The following ADAMTS5 variants were observed in gnomAD, a reference collection of about 807,000 sequenced individuals.
ADAMTS5 encodes the protein ADAM metallopeptidase with thrombospondin type 1 motif 5, also known as A disintegrin and metalloproteinase with thrombospondin motifs 5.
Under a neutral mutation model 81.4 loss-of-function variants are expected in ADAMTS5, and 54 were observed. The ratio of observed to expected loss-of-function variants is 0.66; its 90% CI spans 0.53 to 0.83. The LOEUF (loss-of-function observed/expected upper bound fraction) is 0.83, where lower values mean the gene tolerates loss of function less well. Ranked by LOEUF, ADAMTS5 falls within the 40% of genes least tolerant of loss-of-function variation. The probability of loss-of-function intolerance (pLI) is 0.00; values close to 1 mark genes in which losing one functional copy is unlikely to be tolerated. For synonymous variants in ADAMTS5, 532 were observed against 508.8 expected, an observed-to-expected ratio of 1.05 and a Z score of -0.61; for missense variants, 1,194 against 1,229.9, an observed-to-expected ratio of 0.97 and a Z score of 0.44.
In ADAMTS5 at chr21:26,929,948, G is replaced by A. The variant is rs201435455; in HGVS notation, c.2163C>T (p.Cys721=). ...TGGAGTTGTCTCCTCCACATACTCC[G>A]CACTTGTCATACTGCAGCTTTGAGC... ...IIGSKLQYDK[C]GVCGGDNSSC... The change falls in exon 7 of 8, where the codon TGC becomes TGT. Residue 721 remains cysteine (C), a synonymous_variant. Transcript: ENST00000284987. 2.6e-5 allele frequency: 42 copies of A among 1,613,926 alleles called. 1 individual carries two copies. The highest frequency in any genetic ancestry group is 1.6e-4 in the Middle Eastern group (1 of 6,062).
At chr21:26,955,999 T>C (rs1395573306) in intron 1 of ADAMTS5, among the ~76,000 whole-genome samples, 1 of 152,220 alleles carries the variant, frequency 6.6e-6, no homozygotes, top group Non-Finnish European at 1.5e-5. Flanking sequence ...CTCCAGCTTA[T>C]ATAGTAGGAA....
chr21:26,958,127 T>G (rs1226742254), intron 1 of ADAMTS5, among the ~76,000 whole-genome samples: 1 of 152,066 alleles, frequency 6.6e-6, no homozygotes, highest in Non-Finnish European at 1.5e-5. Context: ...ATCACAGGAA[T>G]CATAGGATTT....
In ADAMTS5 at chr21:26,959,191, T is replaced by G. The variant is rs142073489; in HGVS notation, c.1105-4320A>C. 1.5e-3 allele frequency among the ~76,000 whole-genome samples: 225 copies of G among 152,254 alleles called. 3 individuals carry two copies. The highest frequency in any genetic ancestry group is 4.6e-3 in the African/African-American group (192 of 41,554). On this transcript the variant is annotated intron_variant, in intron 1 of 7. Transcript: ENST00000284987. ...CATTCTGGTAAAGAGAAATGGAAGC[T>G]GGTTAGAGAGTGAATGGAAGGTAGA...
chr21:26,928,086 A>G (rs1242924373), intron 7 of ADAMTS5, among the ~76,000 whole-genome samples: 3 of 152,158 alleles, frequency 2.0e-5, no homozygotes, highest in African/African-American at 4.8e-5. Context: ...AATATGTATT[A>G]CCTCATTTCA....
rs138793424 is a variant in ADAMTS5, at chr21:26,966,059, A to G, written c.333T>C (p.Ala111=). ...DLERDGSVGI[A]GFVPAGGGTS... ...TCCCGCCTCCTGCGGGCACGAAGCC[A>G]GCAATGCCCACCGAACCATCTCGCT... The change falls in exon 1 of 8, where the codon GCT becomes GCC. Residue 111 remains alanine, a synonymous_variant. Coordinates refer to ENST00000284987, the MANE Select transcript of ADAMTS5 (RefSeq NM_007038.5). 21 of 1,613,242 alleles carry G rather than the reference A, an allele frequency of 1.3e-5. No individual in the cohort carries two copies. In the African/African-American group the frequency reaches 2.3e-4, roughly 17 times the overall value.
At chr21:26,951,977 C>T (rs1243933054) in intron 2 of ADAMTS5, among the ~76,000 whole-genome samples, 1 of 151,876 alleles carries the variant, frequency 6.6e-6, no homozygotes, top group Non-Finnish European at 1.5e-5. Context: ...AATATTTAGG[C>T]AAAAAGTGAA....
At position 26,930,036 on chromosome 21, in the gene ADAMTS5, A is replaced by G. The variant is rs226794; in HGVS notation, c.2075T>C (p.Leu692Pro). 0.88 allele frequency: 1,412,780 copies of G among 1,613,948 alleles called. 624,427 individuals are homozygous for G. Among genetic ancestry groups the G allele is most frequent in the African/African-American group, 0.97 (72,468 of 75,028 alleles). Residue 692 changes from leucine (L) to proline (P), a missense_variant, in exon 7 of 8, where the codon CTG becomes CCG. By Grantham distance (98) the Leu-to-Pro change is moderately conservative. Around this residue, in one of 2 missense-constraint regions of ADAMTS5, gnomAD observed 696 missense variants for 817.6 expected, o/e 0.85. Coordinates refer to ENST00000284987, the MANE Select transcript of ADAMTS5 (RefSeq NM_007038.5). The stretch of plus-strand genomic sequence containing the variant: ...CCGGACGCAGACGGAATTACTGTAC[A>G]GCCTACATTCAGTGCCATCGGTCAC... ...PKVTDGTECR[L>P]YSNSVCVRGK... is the part of the protein sequence containing the mutation.
chr21:26,941,910 T>C (rs1987121633), intron 3 of ADAMTS5, among the ~76,000 whole-genome samples: 1 of 152,106 alleles, frequency 6.6e-6, no homozygotes, highest in Non-Finnish European at 1.5e-5. Flanking sequence ...TAATCCACAA[T>C]GTAAACTGAG....
rs1214847068 is a variant in ADAMTS5 at position 26,934,608 on chromosome 21, C to T, written c.1547G>A (p.Arg516His). 34 of 1,614,202 alleles carry T rather than the reference C, an allele frequency of 2.1e-5. No homozygotes were observed. In the Admixed American group the frequency reaches 3.0e-4, roughly 14 times the overall value. The change falls in exon 4 of 8, where the codon CGC becomes CAC. Residue 516 changes from arginine to histidine, a missense_variant. By Grantham distance (29) the Arg-to-His change is conservative. Transcript: ENST00000284987. The part of the protein sequence containing the change: ...SVCPGMDVCA[R>H]LWCAVVRQGQ... ...CTGGCGTACCACAGCACACCACAGG[C>T]GAGCACAGACATCCATGCCGGGACA...
At chr21:26,959,290 C>A (rs928759623) in intron 1 of ADAMTS5, among the ~76,000 whole-genome samples, 13 of 152,178 alleles carry the variant, frequency 8.5e-5, no homozygotes, top group South Asian at 2.1e-4. Context: ...AAAGTTCCCT[C>A]ATCATTAACA....
chr21:26,949,337 G>A (rs1234632079), intron 2 of ADAMTS5, among the ~76,000 whole-genome samples: 1 of 151,772 alleles, frequency 6.6e-6, no homozygotes, highest in African/African-American at 2.4e-5. Context: ...GACTACAGGT[G>A]CACACCACCA....
At position 26,929,907 on chromosome 21, in the gene ADAMTS5, A is replaced by G. The variant is rs752908271; in HGVS notation, c.2204T>C (p.Val735Ala). ...GGDNSSCTKI[V>A]GTFNKKSKGY... ...TTACCTTTTCTTATTAAAGGTTCCA[A>G]CAATCTTTGTACAGCTGGAGTTGTC... The change falls in exon 7 of 8, where the codon GTT becomes GCT. Residue 735 changes from valine to alanine, a missense_variant. Val to Ala is a moderately conservative substitution (Grantham distance 64). This residue lies in a region of ADAMTS5 where 696 missense variants were observed against 817.6 expected (regional missense o/e 0.85). Transcript: ENST00000284987. 6 of 1,613,928 alleles carry G rather than the reference A, an allele frequency of 3.7e-6. No individual in the cohort carries two copies. The East Asian group carries it at 6.7e-5, about 18-fold the overall frequency.
chr21:26,946,274 G>GC (rs1188356213), intron 2 of ADAMTS5, among the ~76,000 whole-genome samples: 1 of 152,148 alleles, frequency 6.6e-6, no homozygotes, highest in African/African-American at 2.4e-5. Flanking sequence ...TGTAATTCGA[G>GC]CCCCCAGTCA....
At chr21:26,936,621 G>A (rs940276839) in intron 3 of ADAMTS5, among the ~76,000 whole-genome samples, 9 of 152,100 alleles carry the variant, frequency 5.9e-5, no homozygotes, top group African/African-American at 2.2e-4. Context: ...AAAGAGCAAA[G>A]TTCCTATTTA....
chr21:26,965,243 CTCCTGA>C, intron 1 of ADAMTS5, 39 bp downstream of exon 1: 1 of 1,564,896 alleles, frequency 6.4e-7, no homozygotes, highest in Non-Finnish European at 8.7e-7. Context: ...TTCTACCTAC[CTCCTGA>C]TATCAGCGCT....
In ADAMTS5 at chr21:26,933,010, G is replaced by T. The variant is rs750700584; in HGVS notation, c.1724C>A (p.Ser575Tyr). 9.3e-6 allele frequency: 15 copies of T among 1,613,242 alleles called. No homozygotes were observed. In the Admixed American group the frequency reaches 2.2e-4, roughly 23 times the overall value. The change falls in exon 5 of 8, where the codon TCC (serine) becomes TAC (tyrosine). Residue 575 changes from serine (S) to tyrosine (Y), a missense_variant. Physicochemically the swap from Ser to Tyr is moderately radical, Grantham distance 144 (BLOSUM62 -2). Around this residue, in one of 2 missense-constraint regions of ADAMTS5, gnomAD observed 696 missense variants for 817.6 expected, o/e 0.85. Coordinates refer to ENST00000284987, the MANE Select transcript of ADAMTS5 (RefSeq NM_007038.5). ...SSHGNWGSWG[S>Y]WGQCSRSCGG... ...ACATGAGCGAGAACACTGGCCCCAG[G>T]ATCCCCAAGATCCCCAGTTGCCATG...
At chr21:26,929,019 A>G (rs1371312373) in intron 7 of ADAMTS5, among the ~76,000 whole-genome samples, 1 of 152,226 alleles carries the variant, frequency 6.6e-6, no homozygotes, top group African/African-American at 2.4e-5. Flanking sequence ...TTAGTAACGC[A>G]TATTTTAACT....
At position 26,965,553 on chromosome 21, in the gene ADAMTS5, G is replaced by A; in HGVS notation, c.839C>T (p.Ala280Val). Reference sequence around the variant, plus strand: ...CTGCAGGCCCCGGCCATACAACCGCGCCATGGACGCGTCAGCCACCAGAAG... The same window carrying A: ...CTGCAGGCCCCGGCCATACAACCGCACCATGGACGCGTCAGCCACCAGAAG... ...ELLLVADASM[A>V]RLYGRGLQHY... The change falls in exon 1 of 8, where the codon GCG becomes GTG. Residue 280 changes from alanine (A) to valine (V), a missense_variant. Coordinates refer to ENST00000284987, the MANE Select transcript of ADAMTS5 (RefSeq NM_007038.5). The A allele has an allele frequency of 6.2e-7, 1 of 1,611,682 alleles. No homozygotes were observed. Among genetic ancestry groups the A allele is most frequent in the Non-Finnish European group, 8.5e-7 (1 of 1,178,444 alleles).
At chr21:26,941,979 C>A (rs1987122941) in intron 3 of ADAMTS5, among the ~76,000 whole-genome samples, 2 of 152,000 alleles carry the variant, frequency 1.3e-5, no homozygotes. Context: ...TACGTTAATT[C>A]TTATTGTTGT....
Sources: allele counts gnomAD v4.1 joint callset (sites outside exome capture counted in the v4.1 genomes callset), GRCh38; gene constraint gnomAD v4.1.1; regional missense constraint gnomAD v4.1.1; transcripts MANE v1.5; gene names NCBI Gene and HGNC (gene_info 2026-07-23, HGNC 2026-07-21).